RIF1: variants seen among roughly 807,000 people sequenced by gnomAD.
RIF1 encodes telomere-associated protein RIF1.
In RIF1, 45 loss-of-function variants were observed where a neutral mutation model predicts 247.1. The observed-to-expected ratio is 0.18, with a 90% CI of 0.14 to 0.23. The LOEUF is 0.23. Ranked by LOEUF, RIF1 falls within the 10% of genes least tolerant of loss-of-function variation. RIF1 has a pLI of 1.00. For synonymous variants in RIF1, 1,087 were observed against 978.8 expected, an observed-to-expected ratio of 1.11 and a Z score of -2.06; for missense variants, 2,967 against 2,862.5, an observed-to-expected ratio of 1.04 and a Z score of -0.83.
At chr2:151,499,090 C>T (rs2062482493) in intron 10 of RIF1, among the ~76,000 whole-genome samples, 1 of 152,018 alleles carries the variant, frequency 6.6e-6, no homozygotes, top group Non-Finnish European at 1.5e-5. Flanking sequence ...GAATATAATA[C>T]TGAACACTTT....
chr2:151,427,457 T>G (rs1283233467), intron 8 of RIF1, among the ~76,000 whole-genome samples: 1 of 151,810 alleles, frequency 6.6e-6, no homozygotes, highest in African/African-American at 2.4e-5. Context: ...GTGATTCGCC[T>G]GCCTTGGCCT....
intron 9 of RIF1, among the ~76,000 whole-genome samples, chr2:151,494,504 G>GA (rs1398403518): frequency 1.3e-5 from 2 of 152,112 alleles, no homozygotes; most frequent in African/African-American, 4.8e-5. Flanking sequence ...AAAAGGATGA[G>GA]AAACCACCAT....
In RIF1 at chr2:151,469,782, C is replaced by T. The variant is rs751236455; in HGVS notation, c.7013C>T (p.Ala2338Val). ...ATTGGTGATTTGAGTACTCTTACAG[C>T]ATCTGAAATAAAAACTCTTCCTATC... ...KTIGDLSTLT[A>V]SEIKTLPIRS... The change falls in exon 34 of 36, where the codon GCA becomes GTA. Residue 2338 changes from alanine (A) to valine (V), a missense_variant. This residue lies in a region of RIF1 where 151 missense variants were observed against 163.4 expected (regional missense o/e 0.92). Coordinates refer to ENST00000444746, the MANE Select transcript of RIF1 (RefSeq NM_018151.5). 1.2e-6 allele frequency: 2 copies of T among 1,611,048 alleles called. No individual in the cohort carries two copies. The highest frequency in any genetic ancestry group is 1.7e-6 in the Non-Finnish European group (2 of 1,177,750).
chr2:151,514,753 T>G, the RIF1 span: 2 of 1,158,550 alleles, frequency 1.7e-6, no homozygotes, highest in Admixed American at 4.4e-5. Flanking sequence ...GAGGAACACA[T>G]TAATGAGTGT....
intron 21 of RIF1, among the ~76,000 whole-genome samples, chr2:151,454,456 T>G (rs1694865729): frequency 6.6e-6 from 1 of 152,124 alleles, no homozygotes; most frequent in Non-Finnish European, 1.5e-5. Context: ...GTACTATAGA[T>G]GAGCAAAAAA....
chr2:151,502,008 G>C (rs1341577594), intron 11 of RIF1, among the ~76,000 whole-genome samples: 1 of 152,192 alleles, frequency 6.6e-6, no homozygotes, highest in African/African-American at 2.4e-5. Flanking sequence ...GTGAATTGCT[G>C]TGTTGTCTTT....
chr2:151,526,119 C>T, the RIF1 span: 19 of 1,612,276 alleles, frequency 1.2e-5, no homozygotes, highest in Admixed American at 3.2e-4. Flanking sequence ...GGGCGTTCTC[C>T]CAAGAGGGAA....
rs150672982 is a variant in RIF1 at position 151,464,758 on chromosome 2, C to T, written c.5238C>T (p.Leu1746=). 1.7e-3 allele frequency: 2,677 copies of T among 1,613,710 alleles called. 41 individuals carry two copies. In the East Asian group the frequency reaches 0.033, roughly 20 times the overall value. ...GEKSQPQEKS[L]IGLKNTENND... is the part of the protein sequence containing the mutation. ...AATCACAACCTCAGGAAAAGTCACT[C>T]ATTGGGTTAAAGAATACAGAAAATA... The change falls in exon 30 of 36, where the codon CTC becomes CTT. Residue 1746 remains leucine (L), a synonymous_variant. Transcript: ENST00000444746.
At chr2:151,466,305 C>CT (rs1696864951) in intron 30 of RIF1, among the ~76,000 whole-genome samples, 185 bp downstream of exon 30, 1 of 152,142 alleles carries the variant, frequency 6.6e-6, no homozygotes, top group African/African-American at 2.4e-5. Flanking sequence ...AGACTGAAGC[C>CT]TTTTAGATAA....
At chr2:151,491,349 A>T (rs2056495682) in intron 9 of RIF1, 1 of 217,264 alleles carries the variant, frequency 4.6e-6, no homozygotes. Flanking sequence ...AAGTTCCTAC[A>T]GGTCAAATCC....
chr2:151,528,281 G>A, the RIF1 span, among the ~76,000 whole-genome samples: 53 of 152,258 alleles, frequency 3.5e-4, no homozygotes, highest in African/African-American at 1.3e-3. Flanking sequence ...GCACTATTAG[G>A]CACATTTCTT....
chr2:151,493,936 TG>T (rs2058425108), intron 9 of RIF1: 1 of 1,136,144 alleles, frequency 8.8e-7, no homozygotes, highest in Non-Finnish European at 1.2e-6. Flanking sequence ...TATTGCAAGT[TG>T]GGGGGAAATG....
At position 151,464,240 on chromosome 2, in the gene RIF1, A is replaced by G; in HGVS notation, c.4720A>G (p.Asn1574Asp). ...GAAGAAGAGATCTGGAAAATGGAAA[A>G]ACAAAAGCAATGAAAGTGTTGACAT... ...SRKKRSGKWKNKSNESVDIQD... is the reference protein window; with the variant it reads ...SRKKRSGKWKDKSNESVDIQD... Residue 1574 changes from asparagine (N) to aspartate (D), a missense_variant, in exon 30 of 36, where the codon AAC becomes GAC. Around this residue, in one of 7 missense-constraint regions of RIF1, gnomAD observed 2,028 missense variants for 1,825.6 expected, o/e 1.11. Transcript: ENST00000444746. 1 of 1,613,988 alleles carries G rather than the reference A, an allele frequency of 6.2e-7. No homozygotes were observed. The highest frequency in any genetic ancestry group is 8.5e-7 in the Non-Finnish European group (1 of 1,179,986).
chr2:151,483,471 G>C (rs2049255623), downstream of RIF1: 1 of 152,174 alleles, frequency 6.6e-6, no homozygotes, highest in South Asian at 2.1e-4. Context: ...TGGTGGAGAG[G>C]AAACAGGGTT....
intron 9 of RIF1, chr2:151,491,924 C>G: frequency 1.0e-6 from 1 of 961,466 alleles, no homozygotes; most frequent in Non-Finnish European, 1.6e-6. Flanking sequence ...CAGAGGAGAA[C>G]AAAGATAAGG....
chr2:151,492,204 T>C (rs2152822190), intron 9 of RIF1: 1 of 1,613,996 alleles, frequency 6.2e-7, no homozygotes, highest in South Asian at 1.1e-5. Flanking sequence ...TGTTCTTCTT[T>C]ACTCGTTCAG....
At chr2:151,472,618 A>G (rs1287485205) in intron 34 of RIF1, among the ~76,000 whole-genome samples, 2 of 152,166 alleles carry the variant, frequency 1.3e-5, no homozygotes, top group African/African-American at 2.4e-5. Context: ...TTCTGCATCT[A>G]TTGAGATAAT....
chr2:151,495,215 G>A (rs1478454127), intron 9 of RIF1: 3 of 152,160 alleles, frequency 2.0e-5, no homozygotes, highest in Non-Finnish European at 4.4e-5. Flanking sequence ...CTCAACCTCG[G>A]TATCTCCCCT....
At chr2:151,524,259 G>T in the RIF1 span, 1 of 1,442,940 alleles carries the variant, frequency 6.9e-7, no homozygotes, top group Non-Finnish European at 9.7e-7. Context: ...TTCCTGCAAG[G>T]TCTTTTATAA....
Sources: allele counts gnomAD v4.1 joint callset (sites outside exome capture counted in the v4.1 genomes callset), GRCh38; gene constraint gnomAD v4.1.1; regional missense constraint gnomAD v4.1.1; transcripts MANE v1.5; gene names NCBI Gene and HGNC (gene_info 2026-07-23, HGNC 2026-07-21).